SNX7: variants seen among roughly 807,000 people sequenced by gnomAD.
SNX7 encodes sorting nexin-7.
SNX7 carries 35 observed loss-of-function variants against 48.4 expected under a neutral mutation model. The observed-to-expected ratio is 0.72, with a 90% confidence interval of 0.55 to 0.96. The LOEUF is 0.96. SNX7 is among the 40% of genes least tolerant of loss of function. SNX7 has a pLI of 0.00. For synonymous variants in SNX7, 190 were observed against 190.2 expected (o/e 1.00, Z 0.01); for missense variants, 553 against 548.9 (o/e 1.01, Z -0.07).
intron 7 of SNX7, among the ~76,000 whole-genome samples, chr1:98,712,559 A>G (rs1195859357): frequency 6.6e-6 from 1 of 152,190 alleles, no homozygotes; most frequent in East Asian, 1.9e-4. Context: ...AAACCATACT[A>G]TAAACAGATA....
intron 8 of SNX7, among the ~76,000 whole-genome samples, chr1:98,748,971 G>A (rs1288807014): frequency 6.6e-6 from 1 of 152,070 alleles, no homozygotes; most frequent in Non-Finnish European, 1.5e-5. Context: ...AGAGGTAAAT[G>A]TGCTTATCTG....
At position 98,698,761 on chromosome 1, in the gene SNX7, A is replaced by G. The variant is rs984919664; in HGVS notation, c.894A>G (p.Ser298=). 3.1e-6 allele frequency: 5 copies of G among 1,613,706 alleles called. No homozygotes were observed. Among genetic ancestry groups the G allele is most frequent in the Non-Finnish European group, 4.2e-6 (5 of 1,179,756 alleles). ...CAATTCATATTCTGTGGTCAGCGTCAGAAGAGGATCTGGTTGATACTCTAA... is the reference window on the plus strand; with the variant it reads ...CAATTCATATTCTGTGGTCAGCGTCGGAAGAGGATCTGGTTGATACTCTAA... ...YGPIHILWSA[S]EEDLVDTLKD... is the part of the protein sequence containing the mutation. The change falls in exon 6 of 9, where the codon TCA becomes TCG. Residue 298 remains serine (S), a synonymous_variant. Coordinates refer to ENST00000306121, the MANE Select transcript of SNX7 (RefSeq NM_015976.5).
chr1:98,670,240 A>C lies in SNX7; in HGVS notation c.180+8329A>C, dbSNP rs533157911. Among the ~76,000 whole-genome samples, 7 of 152,318 alleles carry C rather than the reference A, an allele frequency of 4.6e-5. No individual in the cohort carries two copies. The East Asian group carries it at 1.4e-3, about 29-fold the overall frequency. ...ATTAGAAGAAATAAACACAAAGCATAAAAAATCCAAGATAACAATTTAGAA... is the reference window on the plus strand; with the variant it reads ...ATTAGAAGAAATAAACACAAAGCATCAAAAATCCAAGATAACAATTTAGAA... On this transcript the variant is annotated intron_variant, in intron 1 of 8. Coordinates refer to ENST00000306121, the MANE Select transcript of SNX7 (RefSeq NM_015976.5).
intron 7 of SNX7, among the ~76,000 whole-genome samples, chr1:98,726,895 G>T (rs1195026640): frequency 2.0e-5 from 3 of 152,126 alleles, no homozygotes; most frequent in African/African-American, 7.2e-5. Flanking sequence ...CCAATGCCTG[G>T]CACATAATAG....
intron 7 of SNX7, among the ~76,000 whole-genome samples, chr1:98,706,170 T>A (rs1651994448): frequency 6.6e-6 from 1 of 152,134 alleles, no homozygotes; most frequent in Non-Finnish European, 1.5e-5. Context: ...CTCATGAGGC[T>A]TATGTTTTAG....
At chr1:98,753,782 T>C (rs977243803) in intron 8 of SNX7, among the ~76,000 whole-genome samples, 4 of 152,064 alleles carry the variant, frequency 2.6e-5, no homozygotes, top group Admixed American at 6.6e-5. Context: ...GTGCTGTTCC[T>C]GTCAGCCCTT....
Position 98,712,863 on chromosome 1 carries a change from G to A in SNX7, c.1125+10960G>A, listed in dbSNP as rs1446830862. ...TCCCAGCACTTTGGGAGGCTGAGGC[G>A]GGCACATCACCTGAGGTTGGGAGTT... On this transcript the variant is annotated intron_variant, in intron 7 of 8. Transcript: ENST00000306121. 3.3e-5 allele frequency among the ~76,000 whole-genome samples: 5 copies of A among 152,022 alleles called. No individual in the cohort carries two copies. In the East Asian group the frequency reaches 5.8e-4, roughly 18 times the overall value.
upstream of SNX7, chr1:98,661,599 G>T (rs1042010657): frequency 3.5e-6 from 3 of 850,146 alleles, no homozygotes; most frequent in Non-Finnish European, 4.6e-6. Flanking sequence ...CGGCAGTTCC[G>T]CGTCTGCGCA....
rs761754599 is a variant in SNX7, at chr1:98,691,069, C to T, written c.364-6C>T. The T allele has an allele frequency of 1.3e-6, 2 of 1,585,164 alleles. No individual in the cohort carries two copies. Among genetic ancestry groups the T allele is most frequent in the South Asian group, 2.2e-5 (2 of 89,136 alleles). On this transcript the variant is annotated splice_polypyrimidine_tract_variant and splice_region_variant and intron_variant, in intron 2 of 8. Transcript: ENST00000306121. ...ATGTGCTGTTATTTTCTCTTACTTT[C>T]TTCAGACATCTCGTGGGGAATTTGA...
At chr1:98,735,082 T>A (rs561410313) in intron 7 of SNX7, among the ~76,000 whole-genome samples, 6 of 152,252 alleles carry the variant, frequency 3.9e-5, no homozygotes, top group African/African-American at 1.2e-4. Flanking sequence ...AGCCTGCCAG[T>A]GGGCTATTCT....
At chr1:98,694,886 C>T (rs1415762006) in intron 4 of SNX7, among the ~76,000 whole-genome samples, 3 of 151,802 alleles carry the variant, frequency 2.0e-5, no homozygotes, top group East Asian at 1.9e-4. Flanking sequence ...GGATTACGGA[C>T]GTGAGCCACT....
At chr1:98,720,793 A>G (rs1458089113) in intron 7 of SNX7, among the ~76,000 whole-genome samples, 2 of 152,060 alleles carry the variant, frequency 1.3e-5, no homozygotes, top group Non-Finnish European at 2.9e-5. Context: ...GTTTTACAGT[A>G]TGTTGCAGCA....
Position 98,738,358 on chromosome 1 carries a change from T to C in SNX7, c.1247T>C (p.Met416Thr), listed in dbSNP as rs772174455. The C allele has an allele frequency of 5.0e-6, 8 of 1,613,474 alleles. No individual in the cohort carries two copies. The highest frequency in any genetic ancestry group is 2.2e-5 in the South Asian group (2 of 91,064). ...GATATCAAGTTAGCATTTACAGATA[T>C]GGCTGAGGAGAATATCCATTATTAT... is the stretch of plus-strand genomic sequence containing the variant. ...QNDIKLAFTD[M>T]AEENIHYYEQ... Residue 416 changes from methionine (M) to threonine (T), a missense_variant, in exon 8 of 9, where the codon ATG (methionine) becomes ACG (threonine). Coordinates refer to ENST00000306121, the MANE Select transcript of SNX7 (RefSeq NM_015976.5).
Position 98,684,877 on chromosome 1 carries a change from T to C in SNX7, c.181-8T>C. On this transcript the variant is annotated splice_region_variant and splice_polypyrimidine_tract_variant and intron_variant, in intron 1 of 8. Transcript: ENST00000306121. Reference sequence around the variant, plus strand: ...TTGATACTAATTTTTGAATGTTTTATTTCTTAGGATGCCTCATTGATGGAC... The same window carrying C: ...TTGATACTAATTTTTGAATGTTTTACTTCTTAGGATGCCTCATTGATGGAC... 6.8e-7 allele frequency: 1 copy of C among 1,473,482 alleles called. No homozygotes were observed. Among genetic ancestry groups the C allele is most frequent in the Non-Finnish European group, 9.1e-7 (1 of 1,104,420 alleles). The allele number at this position is 1,473,482 out of a possible 1,614,324, so 91.3% of individuals were successfully genotyped here.
intron 1 of SNX7, among the ~76,000 whole-genome samples, chr1:98,672,872 C>T (rs1034058736): frequency 3.1e-5 from 4 of 127,334 alleles, no homozygotes; most frequent in East Asian, 2.6e-4. Context: ...TGCAGTGAGC[C>T]GAGATTGCGC....
At chr1:98,688,608 C>G (rs891783256) in intron 2 of SNX7, among the ~76,000 whole-genome samples, 1 of 152,138 alleles carries the variant, frequency 6.6e-6, no homozygotes, top group South Asian at 2.1e-4. Context: ...TTTAGAATAA[C>G]TGTTCACACT....
chr1:98,691,818 A>AT, intron 4 of SNX7, 119 bp downstream of exon 4: 2 of 774,624 alleles, frequency 2.6e-6, no homozygotes, highest in Middle Eastern at 3.3e-4. Context: ...TTGAGATGGA[A>AT]TTTTTCAGAA....
intron 8 of SNX7, among the ~76,000 whole-genome samples, chr1:98,749,161 C>T (rs904090084): frequency 3.9e-5 from 6 of 152,204 alleles, no homozygotes; most frequent in East Asian, 1.9e-4. Context: ...TTGGCTCTTA[C>T]GTTAATTTCT....
chr1:98,665,438 C>A (rs968424966), intron 1 of SNX7, among the ~76,000 whole-genome samples: 1 of 151,828 alleles, frequency 6.6e-6, no homozygotes, highest in Non-Finnish European at 1.5e-5. Context: ...TTTATACACA[C>A]TTTGAAAAAA....
Sources: allele counts gnomAD v4.1 joint callset (sites outside exome capture counted in the v4.1 genomes callset), GRCh38; gene constraint gnomAD v4.1.1; transcripts MANE v1.5; gene names NCBI Gene and HGNC (gene_info 2026-07-23, HGNC 2026-07-21).